Variants in NWD1 observed in about 807,000 individuals in gnomAD.
NWD1 encodes the protein NACHT domain- and WD repeat-containing protein 1.
A neutral mutation model predicts 135.1 loss-of-function variants in NWD1; 129 were observed. The observed-to-expected ratio is 0.96, with a 90% CI of 0.83 to 1.11. The LOEUF is 1.11. NWD1 is among the 50% of genes least tolerant of loss of function. The pLI is 0.00. For missense variants in NWD1, 1,740 were observed against 1,851.3 expected (o/e 0.94, Z 1.10); for synonymous variants, 773 against 786.0 (o/e 0.98, Z 0.28).
chr19:16,732,089 T>C (rs888222244), intron 3 of NWD1, among the ~76,000 whole-genome samples: 15 of 151,770 alleles, frequency 9.9e-5, no homozygotes, highest in Non-Finnish European at 1.5e-4. Flanking sequence ...TGGTGGCTCA[T>C]GCCTGTAGTC....
At chr19:16,787,866 GTAATAATAACAATAA>G (rs1295894856) in intron 12 of NWD1, among the ~76,000 whole-genome samples, 22 of 127,412 alleles carry the variant, frequency 1.7e-4, no homozygotes, top group African/African-American at 5.9e-4. Flanking sequence ...TCTCAAAATA[GTAATAATAACAATAA>G]TAATAATAAT....
rs112670267 is a variant in NWD1, at chr19:16,774,326, C to CTCCATCCA, written c.2608+1019_2608+1026dup. Among the ~76,000 whole-genome samples the CTCCATCCA allele has an allele frequency of 1.6e-3, 231 of 146,830 alleles. 2 individuals carry two copies. The highest frequency in any genetic ancestry group is 5.5e-3 in the African/African-American group (215 of 39,140). On this transcript the variant is annotated intron_variant, in intron 11 of 18. Coordinates refer to ENST00000524140, the MANE Select transcript of NWD1 (RefSeq NM_001007525.5). ...AATTCATCTATCAAACCACTTTCCT[C>CTCCATCCA]TCCATCCATCCATCCATCCATCCTC...
chr19:16,757,192 C>A (rs558745527), intron 6 of NWD1, among the ~76,000 whole-genome samples: 1 of 152,268 alleles, frequency 6.6e-6, no homozygotes, highest in Admixed American at 6.5e-5. Flanking sequence ...AAATTGTCTT[C>A]CAAGAAACCG....
chr19:16,767,305 G>GAGC (rs1321745681), intron 10 of NWD1, among the ~76,000 whole-genome samples: 1 of 151,576 alleles, frequency 6.6e-6, no homozygotes, highest in Non-Finnish European at 1.5e-5. Flanking sequence ...GAGAGAGAGG[G>GAGC]AGCAACTGCC....
intron 17 of NWD1, among the ~76,000 whole-genome samples, chr19:16,806,666 G>T (rs971509836): frequency 6.6e-6 from 1 of 151,568 alleles, no homozygotes; most frequent in Non-Finnish European, 1.5e-5. Context: ...AGCCATGTTC[G>T]TGCCACTGCA....
intron 2 of NWD1, among the ~76,000 whole-genome samples, chr19:16,728,241 G>A (rs1967406254): frequency 6.6e-6 from 1 of 151,134 alleles, no homozygotes; most frequent in Admixed American, 6.6e-5. Context: ...AATTTGTTTT[G>A]GAGAACAGAG....
intron 17 of NWD1, among the ~76,000 whole-genome samples, chr19:16,805,911 C>T (rs559806759): frequency 7.3e-5 from 11 of 151,336 alleles, no homozygotes; most frequent in East Asian, 3.9e-4. Flanking sequence ...ATCTGTTGCC[C>T]GGGCTGGAGT....
intron 6 of NWD1, among the ~76,000 whole-genome samples, chr19:16,754,258 A>T (rs778835753): frequency 1.4e-5 from 2 of 144,628 alleles, no homozygotes; most frequent in Non-Finnish European, 3.0e-5. Context: ...TCTTCCATCC[A>T]TCTATCCATC....
chr19:16,764,374 T>C (rs949926492), intron 9 of NWD1, among the ~76,000 whole-genome samples: 4 of 122,698 alleles, frequency 3.3e-5, no homozygotes, highest in African/African-American at 1.3e-4. Flanking sequence ...CATCCATCCA[T>C]CCATCCATCC....
intron 6 of NWD1, among the ~76,000 whole-genome samples, chr19:16,755,514 A>G (rs1249572859): frequency 6.6e-6 from 1 of 152,062 alleles, no homozygotes; most frequent in African/African-American, 2.4e-5. Context: ...TCAGCCTCTC[A>G]AGTAGCTGGG....
intron 3 of NWD1, among the ~76,000 whole-genome samples, chr19:16,732,890 G>T (rs11670068): frequency 6.6e-6 from 1 of 151,494 alleles, no homozygotes; most frequent in East Asian, 1.9e-4. Flanking sequence ...CCTCCTTGCT[G>T]CTTATGAGAA....
At chr19:16,786,592 G>C (rs910396046) in intron 12 of NWD1, among the ~76,000 whole-genome samples, 2 of 151,884 alleles carry the variant, frequency 1.3e-5, no homozygotes, top group Non-Finnish European at 2.9e-5. Context: ...TGTTGCCCAG[G>C]CTGGAGTGTA....
intron 3 of NWD1, among the ~76,000 whole-genome samples, 179 bp from the exon 4 acceptor site, chr19:16,736,455 T>G (rs1967823505): frequency 6.6e-6 from 1 of 152,082 alleles, no homozygotes; most frequent in Non-Finnish European, 1.5e-5. Flanking sequence ...TCTGTTATTT[T>G]TCTCATGATT....
At position 16,724,635 on chromosome 19, in the gene NWD1, G is replaced by T. The variant is rs552504255; in HGVS notation, c.-7+172G>T. 2.6e-5 allele frequency among the ~76,000 whole-genome samples: 4 copies of T among 152,166 alleles called. No homozygotes were observed. In the East Asian group the frequency reaches 7.7e-4, roughly 29 times the overall value. The stretch of plus-strand genomic sequence containing the variant: ...GGCTCAGGTGGGAGGATCGTTTGTT[G>T]GCAGGAGCCTGCCAAGTTCCAGCCT... On this transcript the variant is annotated intron_variant, in intron 2 of 18. Coordinates refer to ENST00000524140, the MANE Select transcript of NWD1 (RefSeq NM_001007525.5).
Position 16,765,035 on chromosome 19 carries a change from C to G in NWD1, c.2253C>G (p.Gly751=). ...RLEELKQEVL[G]SMSWISCRGI... Reference sequence around the variant, plus strand: ...ATCCTCCCCCCTTCTCTCCCTCAGGCAGCATGAGCTGGATTTCCTGCCGGG... The same window carrying G: ...ATCCTCCCCCCTTCTCTCCCTCAGGGAGCATGAGCTGGATTTCCTGCCGGG... Residue 751 remains glycine (G), a splice_region_variant and synonymous_variant, in exon 10 of 19, where the codon GGC becomes GGG. Coordinates refer to ENST00000524140, the MANE Select transcript of NWD1 (RefSeq NM_001007525.5). 3 of 1,614,002 alleles carry G rather than the reference C, an allele frequency of 1.9e-6. No individual in the cohort carries two copies. Among genetic ancestry groups the G allele is most frequent in the Non-Finnish European group, 2.5e-6 (3 of 1,179,926 alleles).
chr19:16,749,639 C>G lies in NWD1; in HGVS notation c.997C>G (p.Gln333Glu), dbSNP rs1568350000. The G allele has an allele frequency of 3.7e-6, 6 of 1,608,632 alleles. No individual in the cohort carries two copies. In the East Asian group the frequency reaches 1.1e-4, roughly 30 times the overall value. Reference protein sequence around the residue: ...GQQLRHDDSKQHTPLVLFGPP... With the variant: ...GQQLRHDDSKEHTPLVLFGPP... ...GCAGCTCAGGCACGATGACAGCAAG[C>G]AGCACACCCCCCTGGTACTCTTTGG... is the stretch of plus-strand genomic sequence containing the variant. The change falls in exon 6 of 19, where the codon CAG (glutamine) becomes GAG (glutamate). Residue 333 changes from glutamine to glutamate, a missense_variant. Coordinates refer to ENST00000524140, the MANE Select transcript of NWD1 (RefSeq NM_001007525.5).
chr19:16,817,079 T>C lies in NWD1; in HGVS notation c.*2040T>C, dbSNP rs1393834357. On this transcript the variant is annotated 3_prime_UTR_variant, in exon 19 of 19. Transcript: ENST00000524140. Reference sequence around the variant, plus strand: ...TCTTTGGAAGGCCGAGGCAGGTGGATCACCTGAGGTCAGGAGTTTGAGACC... The same window carrying C: ...TCTTTGGAAGGCCGAGGCAGGTGGACCACCTGAGGTCAGGAGTTTGAGACC... 6.6e-6 allele frequency: 1 copy of C among 152,102 alleles called. No homozygotes were observed. Among genetic ancestry groups the C allele is most frequent in the Non-Finnish European group, 1.5e-5 (1 of 68,026 alleles). 9.4% of individuals were successfully genotyped at this position (152,102 alleles called of 1,614,324 possible). A position where few individuals can be genotyped will look rare whatever the true frequency, so the allele number is the denominator to read the frequency against.
At chr19:16,745,287 A>G (rs1482218171) in intron 5 of NWD1, 1 of 325,198 alleles carries the variant, frequency 3.1e-6, no homozygotes, top group Non-Finnish European at 6.1e-6. Context: ...GGTCCCTCCC[A>G]CAGCACGTGT....
Position 16,750,121 on chromosome 19 carries a change from GC to G in NWD1, c.1483del (p.Leu495PhefsTer9), listed in dbSNP as rs1968512502. The stretch of plus-strand genomic sequence containing the variant: ...ACCCGGAGGCCTACTGGGAGGTGAA[GC>G]CCCTTTCCGGAAACCAAGGCCAGCA... The part of the protein sequence containing the change: ...LDPEAYWEVK[P>X]LSGNQGQQMI... On this transcript the variant is annotated frameshift_variant, in exon 6 of 19. Coordinates refer to ENST00000524140, the MANE Select transcript of NWD1 (RefSeq NM_001007525.5). LOFTEE classifies it high-confidence loss of function. The G allele has an allele frequency of 3.1e-6, 5 of 1,614,004 alleles. No individual in the cohort carries two copies. The East Asian group carries it at 1.1e-4, about 36-fold the overall frequency.
Sources: gnomAD v4.1 joint callset for allele counts (sites outside exome capture counted in the v4.1 genomes callset) on GRCh38, gnomAD v4.1.1 for gene constraint, MANE v1.5 for transcripts, NCBI Gene and HGNC (gene_info 2026-07-23, HGNC 2026-07-21) for gene names.